The following CAMKMT variants were observed in gnomAD, a reference collection of about 807,000 sequenced individuals.
The protein encoded by CAMKMT is calmodulin-lysine N-methyltransferase.
Under a neutral mutation model 48.0 loss-of-function variants are expected in CAMKMT, and 53 were observed. The ratio of observed to expected loss-of-function variants is 1.10; its 90% confidence interval spans 0.89 to 1.39. The LOEUF (loss-of-function observed/expected upper bound fraction) is 1.39, where lower values mean the gene tolerates loss of function less well. CAMKMT is among the 40% of genes most tolerant of loss of function. The pLI, the probability that CAMKMT is intolerant of heterozygous loss-of-function variation, is 0.00. For synonymous variants in CAMKMT, 165 were observed against 152.3 expected (o/e 1.08, Z -0.61); for missense variants, 428 against 402.7 (o/e 1.06, Z -0.54).
intron 7 of CAMKMT, among the ~76,000 whole-genome samples, chr2:44,737,475 A>G (rs1172499066): frequency 6.6e-6 from 1 of 152,236 alleles, no homozygotes; most frequent in Non-Finnish European, 1.5e-5. Context: ...AGGCAGAACC[A>G]GAGCAGCATT....
chr2:44,482,525 A>C (rs926273248), intron 3 of CAMKMT, among the ~76,000 whole-genome samples: 1 of 152,158 alleles, frequency 6.6e-6, no homozygotes, highest in Non-Finnish European at 1.5e-5. Flanking sequence ...TGTTAACACT[A>C]ATTTCTGTAC....
chr2:44,681,095 A>G (rs1021073714), intron 3 of CAMKMT, among the ~76,000 whole-genome samples: 5 of 152,170 alleles, frequency 3.3e-5, no homozygotes, highest in African/African-American at 7.2e-5. Context: ...ATATCAGTCT[A>G]TTCATCTCTT....
chr2:44,575,100 A>G (rs1669142064), intron 3 of CAMKMT, among the ~76,000 whole-genome samples: 1 of 151,086 alleles, frequency 6.6e-6, no homozygotes, highest in South Asian at 2.1e-4. Context: ...ATTTTTTGAG[A>G]CAGAGTCTCA....
At chr2:44,535,613 C>T (rs184406647) in intron 3 of CAMKMT, among the ~76,000 whole-genome samples, 213 of 152,280 alleles carry the variant, frequency 1.4e-3, no homozygotes, top group Middle Eastern at 3.4e-3. Context: ...TGATTCATCA[C>T]ACCAACAGAA....
At chr2:44,471,287 G>A (rs1002334449) in intron 3 of CAMKMT, among the ~76,000 whole-genome samples, 2 of 151,930 alleles carry the variant, frequency 1.3e-5, no homozygotes, top group Non-Finnish European at 2.9e-5. Context: ...CACCGCGCCC[G>A]GCTCTAATGT....
intron 1 of CAMKMT, among the ~76,000 whole-genome samples, chr2:44,371,851 A>AT (rs1313660340): frequency 6.6e-6 from 1 of 152,134 alleles, no homozygotes; most frequent in East Asian, 1.9e-4. Flanking sequence ...AATTTTCCCC[A>AT]TTTTGTCATA....
chr2:44,404,784 T>C (rs759949772), intron 3 of CAMKMT, among the ~76,000 whole-genome samples: 10 of 152,216 alleles, frequency 6.6e-5, no homozygotes, highest in Admixed American at 2.6e-4. Context: ...CTAGTTTCTT[T>C]TTCTACTGTC....
chr2:44,411,822 A>AT (rs1683222602), intron 3 of CAMKMT, among the ~76,000 whole-genome samples: 1 of 151,464 alleles, frequency 6.6e-6, no homozygotes, highest in African/African-American at 2.4e-5. Flanking sequence ...AGTCTTTTTA[A>AT]TTTTTTTTAA....
At chr2:44,753,864 A>G (rs559209852) in intron 8 of CAMKMT, among the ~76,000 whole-genome samples, 191 bp from the exon 9 acceptor site, 4 of 152,348 alleles carry the variant, frequency 2.6e-5, no homozygotes, top group Admixed American at 1.3e-4. Context: ...ACTTGGCTTT[A>G]GTTGGATAAC....
chr2:44,411,276 T>C (rs1269163041), intron 3 of CAMKMT, among the ~76,000 whole-genome samples: 2 of 152,220 alleles, frequency 1.3e-5, no homozygotes, highest in Non-Finnish European at 2.9e-5. Flanking sequence ...ACTCATTACA[T>C]ATTTGAGTGA....
At chr2:44,588,289 C>T (rs1670011412) in intron 3 of CAMKMT, among the ~76,000 whole-genome samples, 1 of 68,854 alleles carries the variant, frequency 1.5e-5, no homozygotes, top group Non-Finnish European at 3.0e-5. Context: ...CGGCAGCCAC[C>T]CCGTCCGGGA....
intron 3 of CAMKMT, among the ~76,000 whole-genome samples, chr2:44,586,885 A>T (rs1048475242): frequency 1.2e-4 from 18 of 152,222 alleles, no homozygotes; most frequent in Admixed American, 6.5e-4. Context: ...AGAAACTGCC[A>T]AACTGTTTTC....
At chr2:44,438,772 G>C (rs532084031) in intron 3 of CAMKMT, among the ~76,000 whole-genome samples, 1 of 151,898 alleles carries the variant, frequency 6.6e-6, no homozygotes, top group Non-Finnish European at 1.5e-5. Context: ...ATCACGGCTC[G>C]CTGCAGCCTT....
At chr2:44,550,191 G>A (rs1401785900) in intron 3 of CAMKMT, among the ~76,000 whole-genome samples, 1 of 152,042 alleles carries the variant, frequency 6.6e-6, no homozygotes, top group Non-Finnish European at 1.5e-5. Context: ...CTTGAGCCCA[G>A]GAGTTTGAGA....
In CAMKMT at chr2:44,683,837, AAAAAAAGAAAAAG is replaced by A. The variant is rs1226780071; in HGVS notation, c.377-20428_377-20416del. 5.0e-4 allele frequency among the ~76,000 whole-genome samples: 75 copies of A among 149,324 alleles called. 1 individual carries two copies. The highest frequency in any genetic ancestry group is 9.9e-4 in the Admixed American group (15 of 15,132). ...GACTCTGTCTCAAAAAAAAAAAAAA[AAAAAAAGAAAAAG>A]AAAAAAGAAAAAGAAAAGAAAAATA... is the stretch of plus-strand genomic sequence containing the variant. On this transcript the variant is annotated intron_variant, in intron 3 of 10. Coordinates refer to ENST00000378494, the MANE Select transcript of CAMKMT (RefSeq NM_024766.5).
At chr2:44,394,111 A>G (rs994094913) in intron 3 of CAMKMT, among the ~76,000 whole-genome samples, 7 of 152,132 alleles carry the variant, frequency 4.6e-5, no homozygotes, top group Non-Finnish European at 1.0e-4. Context: ...ACTTCGTATA[A>G]TTTATTATAA....
intron 7 of CAMKMT, among the ~76,000 whole-genome samples, chr2:44,730,150 A>G (rs1038479389): frequency 6.6e-6 from 1 of 152,228 alleles, no homozygotes; most frequent in South Asian, 2.1e-4. Context: ...TGCTGAGAAC[A>G]AAGACTTGGG....
chr2:44,463,047 C>T (rs1667929233), intron 3 of CAMKMT, among the ~76,000 whole-genome samples: 1 of 152,186 alleles, frequency 6.6e-6, no homozygotes, highest in African/African-American at 2.4e-5. Flanking sequence ...GAGAGCTTTT[C>T]TTCTCTGCCA....
chr2:44,650,922 C>T (rs1183382230), intron 3 of CAMKMT, among the ~76,000 whole-genome samples: 1 of 151,442 alleles, frequency 6.6e-6, no homozygotes, highest in Admixed American at 6.6e-5. Context: ...TAGACATGAA[C>T]AATTCATACA....
Sources: gnomAD v4.1 joint callset for allele counts (sites outside exome capture counted in the v4.1 genomes callset) on GRCh38, gnomAD v4.1.1 for gene constraint, MANE v1.5 for transcripts, NCBI Gene and HGNC (gene_info 2026-07-23, HGNC 2026-07-21) for gene names.